ENTPD1: variants seen among roughly 807,000 people sequenced by gnomAD.
The protein encoded by ENTPD1 is ATP diphosphohydrolase.
Under a neutral mutation model 57.0 loss-of-function variants are expected in ENTPD1, and 33 were observed. That is an observed-to-expected ratio of 0.58 (90% confidence interval 0.44 to 0.77). ENTPD1 has a LOEUF of 0.77. Ranked by LOEUF, ENTPD1 falls within the 30% of genes least tolerant of loss-of-function variation. ENTPD1 has a pLI of 0.00. For missense variants in ENTPD1, 501 were observed against 603.4 expected (o/e 0.83, Z 1.78); for synonymous variants, 202 against 218.8 (o/e 0.92, Z 0.68).
intron 1 of ENTPD1, among the ~76,000 whole-genome samples, chr10:95,742,203 G>T (rs988203060): frequency 6.6e-6 from 1 of 152,176 alleles, no homozygotes; most frequent in Admixed American, 6.5e-5. Flanking sequence ...AGTCTTGATT[G>T]CTTGGCAAGT....
chr10:95,752,168 C>T (rs1272593721), upstream of ENTPD1, among the ~76,000 whole-genome samples: 1 of 152,006 alleles, frequency 6.6e-6, no homozygotes, highest in Non-Finnish European at 1.5e-5. Flanking sequence ...AGGCCATTGG[C>T]AATCTTAGGG....
Position 95,868,559 on chromosome 10 carries a change from T to C in ENTPD1, c.*2176T>C, listed in dbSNP as rs1224815566. On this transcript the variant is annotated 3_prime_UTR_variant, in exon 10 of 10. Transcript: ENST00000371205. ...GTTGAGCCAATAACAGCCGCTTTTT[T>C]CCTTCTGTCTGCGTATACAAAGCAC... 1.0e-6 allele frequency: 1 copy of C among 985,412 alleles called. No homozygotes were observed. Among genetic ancestry groups the C allele is most frequent in the East Asian group, 1.1e-4 (1 of 8,810 alleles). 61.0% of individuals were successfully genotyped at this position (985,412 alleles called of 1,614,324 possible). A position where few individuals can be genotyped will look rare whatever the true frequency, so the allele number is the denominator to read the frequency against.
intron 1 of ENTPD1, among the ~76,000 whole-genome samples, chr10:95,780,222 G>A (rs1057386588): frequency 6.6e-6 from 1 of 152,152 alleles, no homozygotes. Flanking sequence ...CATGTTCATT[G>A]TAGCACTATT....
At chr10:95,764,561 T>C (rs2098080553) in intron 1 of ENTPD1, among the ~76,000 whole-genome samples, 1 of 152,112 alleles carries the variant, frequency 6.6e-6, no homozygotes, top group Non-Finnish European at 1.5e-5. Flanking sequence ...TTATTCCCTA[T>C]CTTTTATTAT....
At chr10:95,706,694 C>T in the ENTPD1 span, among the ~76,000 whole-genome samples, 1 of 152,160 alleles carries the variant, frequency 6.6e-6, no homozygotes, top group Non-Finnish European at 1.5e-5. Flanking sequence ...CCTCTCTAGT[C>T]CTGTGGCTCA....
rs1030166729 is a variant in ENTPD1, at chr10:95,873,525, T to C, written c.*7142T>C. On this transcript the variant is annotated 3_prime_UTR_variant, in exon 10 of 10. Coordinates refer to ENST00000371205, the MANE Select transcript of ENTPD1 (RefSeq NM_001776.6). ...CCTCCATGCTCTCAGTAGAGGCCCA[T>C]AGGAAAGAGTAGGTAGGTTATGCCA... 5 of 985,314 alleles carry C rather than the reference T, an allele frequency of 5.1e-6. No homozygotes were observed. Among genetic ancestry groups the C allele is most frequent in the Middle Eastern group, 5.2e-4 (1 of 1,938 alleles). 61.0% of individuals were successfully genotyped at this position (985,314 alleles called of 1,614,324 possible).
At chr10:95,726,935 C>G (rs1385868799) in intron 1 of ENTPD1, among the ~76,000 whole-genome samples, 1 of 152,152 alleles carries the variant, frequency 6.6e-6, no homozygotes, top group Non-Finnish European at 1.5e-5. Flanking sequence ...CACCTTCAAA[C>G]TCAGGTTAGG....
chr10:95,701,475 T>G, the ENTPD1 span, among the ~76,000 whole-genome samples: 1 of 152,132 alleles, frequency 6.6e-6, no homozygotes, highest in Non-Finnish European at 1.5e-5. Flanking sequence ...ACTAGGTAAA[T>G]CCACCATCAG....
Position 95,823,384 on chromosome 10 carries a change from G to A in ENTPD1, c.144+20G>A. ...GTTAAGGTAAGTCAAATATATCTGT[G>A]TGTTTGTGTGTATGTAAGAGGAGAT... On this transcript the variant is annotated intron_variant, in intron 2 of 9. Coordinates refer to ENST00000371205, the MANE Select transcript of ENTPD1 (RefSeq NM_001776.6). 1.2e-6 allele frequency: 2 copies of A among 1,613,620 alleles called. No homozygotes were observed. The highest frequency in any genetic ancestry group is 1.7e-6 in the Non-Finnish European group (2 of 1,179,656).
At chr10:95,705,638 C>T in the ENTPD1 span, among the ~76,000 whole-genome samples, 1 of 152,122 alleles carries the variant, frequency 6.6e-6, no homozygotes, top group African/African-American at 2.4e-5. Flanking sequence ...ATTACAGGCG[C>T]CTGCCACCAC....
At chr10:95,694,895 A>ATTTTTTTTTTT in the ENTPD1 span, among the ~76,000 whole-genome samples, 1 of 98,744 alleles carries the variant, frequency 1.0e-5, no homozygotes, top group African/African-American at 4.0e-5. Context: ...TGAGGAGCTG[A>ATTTTTTTTTTT]TTTTTTTTTT....
intron 1 of ENTPD1, among the ~76,000 whole-genome samples, chr10:95,814,390 A>G (rs2098322598): frequency 6.6e-6 from 1 of 152,204 alleles, no homozygotes; most frequent in Non-Finnish European, 1.5e-5. Context: ...CTCTGTCACC[A>G]TTTGATTTTT....
intron 1 of ENTPD1, among the ~76,000 whole-genome samples, chr10:95,795,088 T>G (rs1210335456): frequency 2.0e-5 from 3 of 152,096 alleles, no homozygotes; most frequent in African/African-American, 7.2e-5. Flanking sequence ...GAAAGCAGAT[T>G]GATGATAGGT....
chr10:95,759,476 A>C (rs752336312), intron 1 of ENTPD1, among the ~76,000 whole-genome samples: 7 of 152,230 alleles, frequency 4.6e-5, no homozygotes, highest in Non-Finnish European at 8.8e-5. Flanking sequence ...GTGTCTTTCT[A>C]GCCCTACTTT....
the ENTPD1 span, among the ~76,000 whole-genome samples, chr10:95,694,701 T>A: frequency 6.6e-6 from 1 of 151,994 alleles, no homozygotes; most frequent in East Asian, 1.9e-4. Flanking sequence ...AATGGCAAAT[T>A]TTTTAAGCCT....
the ENTPD1 span, among the ~76,000 whole-genome samples, chr10:95,694,508 C>A: frequency 6.7e-6 from 1 of 150,370 alleles, no homozygotes; most frequent in African/African-American, 2.5e-5. Flanking sequence ...TAAAGAAATG[C>A]ATCAAATCAT....
chr10:95,756,229 A>C lies in ENTPD1; in HGVS notation c.-11A>C, dbSNP rs1329482098. ...GACGAGGAAAGAGGAGGAAAACAAA[A>C]GCTGCTACTTATGGAAGATACAAAG... On this transcript the variant is annotated 5_prime_UTR_variant, in exon 1 of 10. Coordinates refer to ENST00000371205, the MANE Select transcript of ENTPD1 (RefSeq NM_001776.6). 3.1e-6 allele frequency: 5 copies of C among 1,595,430 alleles called. No individual in the cohort carries two copies. The East Asian group carries it at 1.1e-4, about 36-fold the overall frequency.
At chr10:95,816,573 A>G (rs1169154311) in intron 1 of ENTPD1, among the ~76,000 whole-genome samples, 1 of 152,120 alleles carries the variant, frequency 6.6e-6, no homozygotes, top group Non-Finnish European at 1.5e-5. Flanking sequence ...TGACACAAAG[A>G]GCAACAGGGG....
chr10:95,845,720 T>C (rs780225671), intron 6 of ENTPD1, 124 bp downstream of exon 6: 1 of 1,553,420 alleles, frequency 6.4e-7, no homozygotes, highest in Non-Finnish European at 8.9e-7. Flanking sequence ...TCCAAACCTT[T>C]TTAGGCAGGA....
Sources: allele counts gnomAD v4.1 joint callset (sites outside exome capture counted in the v4.1 genomes callset), GRCh38; gene constraint gnomAD v4.1.1; transcripts MANE v1.5; gene names NCBI Gene and HGNC (gene_info 2026-07-23, HGNC 2026-07-21).